PRMT8: variants seen among roughly 807,000 people sequenced by gnomAD.
The protein encoded by PRMT8 is protein arginine N-methyltransferase 8.
In PRMT8, 7 loss-of-function variants were observed where a neutral mutation model predicts 47.1. The ratio of observed to expected loss-of-function variants is 0.15; its 90% CI spans 0.08 to 0.28. The LOEUF (loss-of-function observed/expected upper bound fraction) is 0.28. PRMT8 is among the 10% of genes least tolerant of loss of function. The probability of loss-of-function intolerance (pLI) is 1.00; values close to 1 mark genes in which losing one functional copy is unlikely to be tolerated. For missense variants in PRMT8, 237 were observed against 505.4 expected (o/e 0.47, Z 5.09); for synonymous variants, 188 against 186.5 (o/e 1.01, Z -0.07).
At chr12:3,428,575 C>T (rs551354097) in intron 1 of PRMT8, among the ~76,000 whole-genome samples, 47 of 152,122 alleles carry the variant, frequency 3.1e-4, no homozygotes, top group Non-Finnish European at 6.0e-4. Flanking sequence ...TATAGGGTCA[C>T]GGAGAAGACC....
chr12:3,593,334 G>T lies in PRMT8; in HGVS notation c.*152G>T. ...GATTGGTGAACTCCCCAGGGCTCCC[G>T]TGGGCTCTGCCACTGGACAGAAGGC... On this transcript the variant is annotated 3_prime_UTR_variant, in exon 10 of 10. Coordinates refer to ENST00000382622, the MANE Select transcript of PRMT8 (RefSeq NM_019854.5). The surrounding 1 kb of genome is among the most constrained non-coding windows in gnomAD (Gnocchi z 4.8). 1.6e-6 allele frequency: 1 copy of T among 644,100 alleles called. No homozygotes were observed. Among genetic ancestry groups the T allele is most frequent in the Non-Finnish European group, 2.6e-6 (1 of 378,494 alleles). The allele number at this position is 644,100 out of a possible 1,614,324, so 39.9% of individuals were successfully genotyped here.
Position 3,576,864 on chromosome 12 carries a change from C to T in PRMT8, c.713-7C>T, listed in dbSNP as rs749311320. 1.2e-5 allele frequency: 19 copies of T among 1,613,214 alleles called. No individual in the cohort carries two copies. Among genetic ancestry groups the T allele is most frequent in the Non-Finnish European group, 1.5e-5 (18 of 1,179,262 alleles). On this transcript the variant is annotated splice_polypyrimidine_tract_variant and splice_region_variant and intron_variant, in intron 6 of 9. Transcript: ENST00000382622. The surrounding 1 kb of genome is among the most constrained non-coding windows in gnomAD (Gnocchi z 4.0). ...GCCTGCCTTCACGTCTTGCTCTGCT[C>T]CCACAGGGTGGGAGAATGTCTATGG... is the stretch of plus-strand genomic sequence containing the variant.
At chr12:3,419,158 A>T (rs941859911) in intron 1 of PRMT8, among the ~76,000 whole-genome samples, 6 of 152,240 alleles carry the variant, frequency 3.9e-5, no homozygotes, top group African/African-American at 1.4e-4. Flanking sequence ...ACCAAGACCC[A>T]GGGAGGAGGA....
At chr12:3,425,130 A>G (rs1313246892) in intron 1 of PRMT8, among the ~76,000 whole-genome samples, 1 of 152,232 alleles carries the variant, frequency 6.6e-6, no homozygotes, top group Admixed American at 6.5e-5. Flanking sequence ...ACCGGGAGCA[A>G]GGTGGCAGGG....
At chr12:3,559,991 T>G (rs1866603889) in intron 4 of PRMT8, among the ~76,000 whole-genome samples, 1 of 152,302 alleles carries the variant, frequency 6.6e-6, no homozygotes, top group East Asian at 1.9e-4. Context: ...ATAGCTGCCC[T>G]CGTGCCCATT....
At chr12:3,540,585 A>T in intron 1 of PRMT8, 21 bp from the exon 2 acceptor site, 10 of 1,414,490 alleles carry the variant, frequency 7.1e-6, no homozygotes, top group Non-Finnish European at 1.0e-5. Flanking sequence ...CTAACACCCG[A>T]CCCCCTTCTC....
chr12:3,398,759 A>G (rs933227412), intron 1 of PRMT8, among the ~76,000 whole-genome samples: 3 of 152,156 alleles, frequency 2.0e-5, no homozygotes, highest in African/African-American at 7.2e-5. Flanking sequence ...ATGTAGCTCC[A>G]TTACTGTTTA....
rs138001277 is a variant in PRMT8, at chr12:3,593,727, GGTGT to G, written c.*557_*560del. 4 of 157,424 alleles carry G rather than the reference GGTGT, an allele frequency of 2.5e-5. No individual in the cohort carries two copies. The highest frequency in any genetic ancestry group is 5.5e-5 in the Non-Finnish European group (4 of 72,180). 9.8% of individuals were successfully genotyped at this position (157,424 alleles called of 1,614,324 possible). A position where few individuals can be genotyped will look rare whatever the true frequency, so the allele number is the denominator to read the frequency against. Reference sequence around the variant, plus strand: ...GTAGACCTAGGTGTTCTCTCAGAGGGGTGTGTGTGTGTGTGCGTGCGCGTGTGCC... The same window carrying G: ...GTAGACCTAGGTGTTCTCTCAGAGGGGTGTGTGTGTGCGTGCGCGTGTGCC... On this transcript the variant is annotated 3_prime_UTR_variant, in exon 10 of 10. Coordinates refer to ENST00000382622, the MANE Select transcript of PRMT8 (RefSeq NM_019854.5). This position sits in a 1 kb window ranked among gnomAD's most constrained non-coding sequence, Gnocchi z 4.8.
At position 3,552,181 on chromosome 12, in the gene PRMT8, C is replaced by G. The variant is rs534861360; in HGVS notation, c.418-1470C>G. 4.5e-4 allele frequency: 69 copies of G among 152,956 alleles called. No homozygotes were observed. Among genetic ancestry groups the G allele is most frequent in the South Asian group, 1.9e-3 (9 of 4,852 alleles). The allele number at this position is 152,956 out of a possible 1,614,324, so 9.5% of individuals were successfully genotyped here. On this transcript the variant is annotated intron_variant, in intron 3 of 9. Transcript: ENST00000382622. This position sits in a 1 kb window ranked among gnomAD's most constrained non-coding sequence, Gnocchi z 4.5. ...GGCGGAGGTTGCAGTGAGTCCAGAT[C>G]GCGCCATTGCACTCCAGCCTGGGCG...
At chr12:3,413,690 T>C (rs911831776) in intron 1 of PRMT8, among the ~76,000 whole-genome samples, 11 of 152,192 alleles carry the variant, frequency 7.2e-5, no homozygotes, top group African/African-American at 2.7e-4. Flanking sequence ...CATTGTAGTC[T>C]TGTGGGACTA....
intron 8 of PRMT8, among the ~76,000 whole-genome samples, chr12:3,585,151 C>T (rs1056573601): frequency 6.6e-5 from 10 of 152,038 alleles, no homozygotes; most frequent in African/African-American, 2.4e-4. Context: ...ACAAATTGCT[C>T]TAAGAAGTGT....
Position 3,491,334 on chromosome 12 carries a change from C to T in PRMT8, c.-292C>T, listed in dbSNP as rs929748392. 1 of 1,122,804 alleles carries T rather than the reference C, an allele frequency of 8.9e-7. No individual in the cohort carries two copies. Among genetic ancestry groups the T allele is most frequent in the African/African-American group, 1.6e-5 (1 of 61,516 alleles). The allele number at this position is 1,122,804 out of a possible 1,614,324, so 69.6% of individuals were successfully genotyped here. A position where few individuals can be genotyped will look rare whatever the true frequency, so the allele number is the denominator to read the frequency against. ...CCGCGGAGGCTTCGGGGCTGCTTCC[C>T]TCGAGCTTAGCCCGCAGCGCGGGTG... On this transcript the variant is annotated 5_prime_UTR_variant, in exon 1 of 10. Transcript: ENST00000382622.
intron 1 of PRMT8, among the ~76,000 whole-genome samples, chr12:3,395,917 T>G (rs1864244024): frequency 6.6e-6 from 1 of 152,132 alleles, no homozygotes; most frequent in South Asian, 2.1e-4. Flanking sequence ...GCATATATAT[T>G]TAGGATAGTT....
intron 1 of PRMT8, among the ~76,000 whole-genome samples, chr12:3,496,648 T>C (rs1245366312): frequency 6.6e-6 from 1 of 152,044 alleles, no homozygotes; most frequent in Non-Finnish European, 1.5e-5. Context: ...CTTTTAAGAT[T>C]GTTGTGAAGA....
At chr12:3,549,823 T>C in intron 2 of PRMT8, 113 bp from the exon 3 acceptor site, 2 of 1,197,528 alleles carry the variant, frequency 1.7e-6, no homozygotes, top group Non-Finnish European at 2.4e-6. Flanking sequence ...TGCCTGATGA[T>C]ATTATCGGGT....
Position 3,569,685 on chromosome 12 carries a change from T to C in PRMT8, c.712+121T>C, listed in dbSNP as rs1866811042. 1.2e-6 allele frequency: 1 copy of C among 806,286 alleles called. No individual in the cohort carries two copies. Among genetic ancestry groups the C allele is most frequent in the African/African-American group, 1.7e-5 (1 of 59,464 alleles). The allele number at this position is 806,286 out of a possible 1,614,324, so 49.9% of individuals were successfully genotyped here. On this transcript the variant is annotated intron_variant, in intron 6 of 9. Transcript: ENST00000382622. This position sits in a 1 kb window ranked among gnomAD's most constrained non-coding sequence, Gnocchi z 8.2. ...ACCATTGCTGTCCCTGAAGAGGAGC[T>C]TATCTGGGACCCTTTCTGGAGTCTG...
intron 1 of PRMT8, among the ~76,000 whole-genome samples, chr12:3,474,593 CT>C (rs1432822874): frequency 6.6e-6 from 1 of 152,100 alleles, no homozygotes; most frequent in Non-Finnish European, 1.5e-5. Context: ...ATGCTCTCCC[CT>C]GGCCTTCCTC....
rs965466563 is a variant in PRMT8, at chr12:3,409,040, G to C, written c.48+27598G>C. On this transcript the variant is annotated intron_variant, in intron 1 of 9. Coordinates refer to the PRMT8 transcript ENST00000452611. This position sits in a 1 kb window ranked among gnomAD's most constrained non-coding sequence, Gnocchi z 4.4. ...GTGGCTGCAGTGGTGCTGGGTTCTG[G>C]GGTGCAGGTGCTCAGAGTGGCTGTA... Among the ~76,000 whole-genome samples, 3 of 152,188 alleles carry C rather than the reference G, an allele frequency of 2.0e-5. No individual in the cohort carries two copies. The highest frequency in any genetic ancestry group is 4.4e-5 in the Non-Finnish European group (3 of 68,032).
chr12:3,485,163 T>C (rs183424216), intron 1 of PRMT8, among the ~76,000 whole-genome samples: 7 of 152,302 alleles, frequency 4.6e-5, no homozygotes, highest in Non-Finnish European at 4.4e-5. Context: ...GCCCAGCAAT[T>C]GGAAGTGATC....
Sources: gnomAD v4.1 joint callset for allele counts (sites outside exome capture counted in the v4.1 genomes callset) on GRCh38, gnomAD v4.1.1 for gene constraint, Gnocchi (gnomAD v3.1) non-coding constraint, MANE v1.5 for transcripts, NCBI Gene and HGNC (gene_info 2026-07-23, HGNC 2026-07-21) for gene names.